Variants in AUTS2 observed in about 807,000 individuals in gnomAD.
AUTS2 encodes activator of transcription and developmental regulator AUTS2, also known as autism susceptibility gene 2 protein.
AUTS2 carries 17 observed loss-of-function variants against 112.4 expected under a neutral mutation model. The ratio of observed to expected loss-of-function variants is 0.15; its 90% confidence interval spans 0.10 to 0.23. The LOEUF (loss-of-function observed/expected upper bound fraction) is 0.23, where lower values mean the gene tolerates loss of function less well. AUTS2 is among the 10% of genes least tolerant of loss of function. AUTS2 has a pLI of 1.00. For missense variants in AUTS2, 1,510 were observed against 1,701.6 expected (o/e 0.89, Z 1.98); for synonymous variants, 751 against 702.7 (o/e 1.07, Z -1.09).
chr7:70,705,350 G>A lies in AUTS2; in HGVS notation c.742+6730G>A, dbSNP rs148098866. Among the ~76,000 whole-genome samples the A allele has an allele frequency of 2.2e-4, 34 of 152,278 alleles. No homozygotes were observed. The East Asian group carries it at 5.6e-3, about 25-fold the overall frequency. ...TGGAGAAAATGATTGATTCCCACTC[G>A]AGTAATCCGCTCCGTGCATTTCGGA... On this transcript the variant is annotated intron_variant, in intron 6 of 18. Transcript: ENST00000342771.
intron 1 of AUTS2, among the ~76,000 whole-genome samples, chr7:69,858,116 A>G (rs1792816603): frequency 6.6e-6 from 1 of 152,186 alleles, no homozygotes; most frequent in Non-Finnish European, 1.5e-5. Flanking sequence ...AGAGGTGACC[A>G]TCACAAGGAC....
At chr7:69,781,958 G>T (rs1789161041) in intron 1 of AUTS2, among the ~76,000 whole-genome samples, 1 of 152,242 alleles carries the variant, frequency 6.6e-6, no homozygotes, top group African/African-American at 2.4e-5. Context: ...TTAAGTGGAG[G>T]CAAGGAGGTG....
At chr7:70,647,515 A>G (rs533677816) in intron 5 of AUTS2, among the ~76,000 whole-genome samples, 1 of 152,330 alleles carries the variant, frequency 6.6e-6, no homozygotes, top group Non-Finnish European at 1.5e-5. Context: ...CTCTGCTTTT[A>G]AGCAAGAAAT....
chr7:70,370,741 G>A (rs1290647145), intron 4 of AUTS2, among the ~76,000 whole-genome samples: 1 of 152,082 alleles, frequency 6.6e-6, no homozygotes, highest in East Asian at 1.9e-4. Flanking sequence ...AACCATTTGA[G>A]TAATTGCCAG....
At chr7:69,852,925 C>T (rs1792553403) in intron 1 of AUTS2, among the ~76,000 whole-genome samples, 1 of 151,932 alleles carries the variant, frequency 6.6e-6, no homozygotes, top group Admixed American at 6.6e-5. Flanking sequence ...TTTTTAGTTC[C>T]CAAGTTTTTT....
chr7:70,543,466 T>C (rs1434514361), intron 5 of AUTS2, among the ~76,000 whole-genome samples: 2 of 151,076 alleles, frequency 1.3e-5, no homozygotes, highest in Non-Finnish European at 2.9e-5. Flanking sequence ...GAGGCAGAGG[T>C]TGTGCTGAGC....
At chr7:69,974,803 G>A (rs1797990925) in intron 2 of AUTS2, among the ~76,000 whole-genome samples, 1 of 152,068 alleles carries the variant, frequency 6.6e-6, no homozygotes. Flanking sequence ...AGCTCTTTAA[G>A]TTGACACATA....
intron 4 of AUTS2, among the ~76,000 whole-genome samples, chr7:70,207,129 C>T (rs1048708406): frequency 6.6e-6 from 1 of 152,142 alleles, no homozygotes; most frequent in African/African-American, 2.4e-5. Flanking sequence ...CATTCCATCA[C>T]TAATATTTTA....
At position 70,015,607 on chromosome 7, in the gene AUTS2, T is replaced by A. The variant is rs144346231; in HGVS notation, c.523-102525T>A. Reference sequence around the variant, plus strand: ...CACAACCCATGTTGTGAGAAGATTGTCTTTTTGATTCACAGTTCATGCAAA... The same window carrying A: ...CACAACCCATGTTGTGAGAAGATTGACTTTTTGATTCACAGTTCATGCAAA... On this transcript the variant is annotated intron_variant, in intron 2 of 18. Transcript: ENST00000342771. Among the ~76,000 whole-genome samples the A allele has an allele frequency of 1.6e-3, 239 of 152,302 alleles. 1 individual carries two copies. The highest frequency in any genetic ancestry group is 4.9e-3 in the African/African-American group (202 of 41,564).
intron 6 of AUTS2, among the ~76,000 whole-genome samples, chr7:70,726,938 T>C (rs1787069816): frequency 6.6e-6 from 1 of 152,200 alleles, no homozygotes; most frequent in Non-Finnish European, 1.5e-5. Context: ...TTAGAGTCTT[T>C]GATCAGGTAA....
intron 17 of AUTS2, 67 bp downstream of exon 17, chr7:70,786,105 A>G: frequency 7.2e-7 from 1 of 1,380,480 alleles, no homozygotes; most frequent in Non-Finnish European, 1.0e-6. Context: ...CATATGGCTC[A>G]AGACCTTTCT....
intron 2 of AUTS2, among the ~76,000 whole-genome samples, chr7:69,950,251 C>G (rs1049959161): frequency 6.6e-6 from 1 of 152,054 alleles, no homozygotes; most frequent in African/African-American, 2.4e-5. Flanking sequence ...GTGAGCAGCT[C>G]TGTGTATTCC....
chr7:70,496,849 T>A (rs111211657), intron 5 of AUTS2, among the ~76,000 whole-genome samples: 28,331 of 67,564 alleles, frequency 0.42, 5,155 homozygotes, highest in African/African-American at 0.49. Context: ...ACGTACACAG[T>A]CACACACACA....
chr7:69,637,245 A>G (rs1794590996), intron 1 of AUTS2, among the ~76,000 whole-genome samples: 1 of 152,216 alleles, frequency 6.6e-6, no homozygotes, highest in Admixed American at 6.5e-5. Flanking sequence ...TTTGCAACCA[A>G]TAAATTTCTA....
At position 70,696,432 on chromosome 7, in the gene AUTS2, TG is replaced by T. The variant is rs1809108510; in HGVS notation, c.691-2136del. 2.0e-5 allele frequency among the ~76,000 whole-genome samples: 3 copies of T among 152,292 alleles called. No homozygotes were observed. In the South Asian group the frequency reaches 6.2e-4, roughly 32 times the overall value. ...AGGCATGGTGTCCAGCCCTGTGACT[TG>T]TATCAGCCAAGTAAGGGCTTAGAAA... is the stretch of plus-strand genomic sequence containing the variant. On this transcript the variant is annotated intron_variant, in intron 5 of 18. Transcript: ENST00000342771.
chr7:69,726,013 C>T (rs1786491989), intron 1 of AUTS2, among the ~76,000 whole-genome samples: 1 of 152,024 alleles, frequency 6.6e-6, no homozygotes. Context: ...AACTTTGTTA[C>T]AAATTAGAAT....
At chr7:70,026,957 G>C (rs1800548387) in intron 2 of AUTS2, among the ~76,000 whole-genome samples, 1 of 151,450 alleles carries the variant, frequency 6.6e-6, no homozygotes, top group Non-Finnish European at 1.5e-5. Context: ...TTAGTTTTAT[G>C]ATAGTTTTGG....
At chr7:70,209,658 A>G (rs1245958282) in intron 4 of AUTS2, among the ~76,000 whole-genome samples, 4 of 152,196 alleles carry the variant, frequency 2.6e-5, no homozygotes, top group Non-Finnish European at 5.9e-5. Flanking sequence ...AAAGAGAAAA[A>G]GGTGTTTCAT....
At chr7:70,149,680 A>G (rs896809883) in intron 4 of AUTS2, among the ~76,000 whole-genome samples, 1 of 152,038 alleles carries the variant, frequency 6.6e-6, no homozygotes, top group Non-Finnish European at 1.5e-5. Flanking sequence ...AAACGATGAA[A>G]TTTTAAATTA....
Sources: gnomAD v4.1 joint callset for allele counts (sites outside exome capture counted in the v4.1 genomes callset) on GRCh38, gnomAD v4.1.1 for gene constraint, MANE v1.5 for transcripts, NCBI Gene and HGNC (gene_info 2026-07-23, HGNC 2026-07-21) for gene names.